The following LMO3 variants were observed in gnomAD, a reference collection of about 807,000 sequenced individuals.
The protein encoded by LMO3 is LIM domain only 3, also known as LIM domain only protein 3.
In LMO3, 2 loss-of-function variants were observed where a neutral mutation model predicts 15.8. That is an observed-to-expected ratio of 0.13 (90% CI 0.05 to 0.40). The LOEUF is 0.40. Among genes scored for constraint, LMO3 ranks in the 10% least tolerant of loss-of-function variants. The pLI, the probability that LMO3 is intolerant of heterozygous loss-of-function variation, is 0.99. For missense variants in LMO3, 86 were observed against 182.2 expected (o/e 0.47, Z 3.04); for synonymous variants, 62 against 63.8 (o/e 0.97, Z 0.13).
In LMO3 at chr12:16,576,288, G is replaced by A. The variant is rs564756988; in HGVS notation, c.207-15750C>T. On this transcript the variant is annotated intron_variant, in intron 2 of 3. Coordinates refer to ENST00000537304, the MANE Select transcript of LMO3 (RefSeq NM_018640.5). This position sits in a 1 kb window ranked among gnomAD's most constrained non-coding sequence, Gnocchi z 4.1. ...GAAGCATGAAAGGTCCATCCTGTCT[G>A]TCTTCTTTTCTGTCTTCTATCCCAT... 7.8e-4 allele frequency among the ~76,000 whole-genome samples: 119 copies of A among 152,216 alleles called. No individual in the cohort carries two copies. The South Asian group carries it at 0.023, about 30-fold the overall frequency.
intron 2 of LMO3, among the ~76,000 whole-genome samples, chr12:16,588,906 T>C (rs939195845): frequency 1.3e-5 from 2 of 151,630 alleles, no homozygotes; most frequent in African/African-American, 4.8e-5. Context: ...GAAGCTGACA[T>C]TGGAGGAGTA....
chr12:16,573,302 G>C (rs1221694494), intron 2 of LMO3, among the ~76,000 whole-genome samples: 2 of 152,074 alleles, frequency 1.3e-5, no homozygotes, highest in African/African-American at 2.4e-5. Context: ...AGATATAGTT[G>C]AAACAAAAAT....
At chr12:16,607,430 ATT>A (rs11303135), upstream of LMO3, 438 of 147,548 alleles carry the variant, frequency 3.0e-3, no homozygotes, top group African/African-American at 7.4e-3. Context: ...GCCTTGACAG[ATT>A]TTTTTTTTTT....
intron 3 of LMO3, among the ~76,000 whole-genome samples, chr12:16,556,173 T>A (rs967026176): frequency 2.0e-5 from 3 of 152,244 alleles, no homozygotes; most frequent in African/African-American, 7.2e-5. Flanking sequence ...ACAAGCTTTT[T>A]ATTTTTCCTT....
At position 16,606,125 on chromosome 12, in the gene LMO3, C is replaced by T. The variant is rs895340004; in HGVS notation, c.-68G>A. 3.7e-5 allele frequency: 9 copies of T among 244,714 alleles called. 1 individual carries two copies. In the Admixed American group the frequency reaches 4.5e-4, roughly 12 times the overall value. The allele number at this position is 244,714 out of a possible 1,614,324, so 15.2% of individuals were successfully genotyped here. The stretch of plus-strand genomic sequence containing the variant: ...AGTAAGCACAGTGGCTGCTTTGTAG[C>T]GCTTCTCCTTGGGAAAGGTCAAAAA... On this transcript the variant is annotated 5_prime_UTR_variant, in exon 1 of 4. Transcript: ENST00000537304.
upstream of LMO3, among the ~76,000 whole-genome samples, chr12:16,608,365 C>T (rs759076742): frequency 7.2e-5 from 11 of 152,106 alleles, no homozygotes; most frequent in Admixed American, 3.9e-4. This position sits in a 1 kb window ranked among gnomAD's most constrained non-coding sequence, Gnocchi z 4.1. Context: ...TGTTACCCCT[C>T]GCTGGCAACT....
intron 2 of LMO3, among the ~76,000 whole-genome samples, chr12:16,569,062 C>T (rs1375479482): frequency 1.3e-5 from 2 of 152,158 alleles, no homozygotes; most frequent in Non-Finnish European, 2.9e-5. Context: ...CAGGCTTACT[C>T]AGTGTTAATT....
chr12:16,586,202 CTA>C lies in LMO3; in HGVS notation c.206+14451_206+14452del, dbSNP rs774724924. Among the ~76,000 whole-genome samples the C allele has an allele frequency of 5.0e-3, 759 of 152,308 alleles. 2 individuals are homozygous for C. The highest frequency in any genetic ancestry group is 7.1e-3 in the Non-Finnish European group (485 of 68,032). On this transcript the variant is annotated intron_variant, in intron 2 of 3. Coordinates refer to ENST00000537304, the MANE Select transcript of LMO3 (RefSeq NM_018640.5). This position sits in a 1 kb window ranked among gnomAD's most constrained non-coding sequence, Gnocchi z 4.3. ...TTTTTCAGGTAATCTGCCATAAATA[CTA>C]TTTCCTTCAGATGACTTCTTAAAAC...
At chr12:16,563,443 T>C (rs575086119) in intron 2 of LMO3, among the ~76,000 whole-genome samples, 5 of 152,290 alleles carry the variant, frequency 3.3e-5, no homozygotes, top group African/African-American at 1.2e-4. Context: ...GGCAAAAGAA[T>C]TTTCATATAT....
rs1378619099 is a variant in LMO3 at position 16,555,164 on chromosome 12, C to CCAAA, written c.333-3838_333-3837insTTTG. On this transcript the variant is annotated intron_variant, in intron 3 of 3. Transcript: ENST00000537304. This position sits in a 1 kb window ranked among gnomAD's most constrained non-coding sequence, Gnocchi z 5.5. ...TTGACTAATACTTTATCAGAATTTG[C>CCAAA]TATCATTATTATTTGGTAATGATAA... is the stretch of plus-strand genomic sequence containing the variant. 6.6e-6 allele frequency among the ~76,000 whole-genome samples: 1 copy of CCAAA among 152,184 alleles called. No individual in the cohort carries two copies. The highest frequency in any genetic ancestry group is 2.4e-5 in the African/African-American group (1 of 41,446).
chr12:16,566,040 A>G (rs1942598047), intron 2 of LMO3, among the ~76,000 whole-genome samples: 1 of 106,806 alleles, frequency 9.4e-6, no homozygotes, highest in South Asian at 3.2e-4. Context: ...ATATATATAT[A>G]AAATGGAGTA....
intron 1 of LMO3, chr12:16,605,447 C>T: frequency 1.4e-6 from 1 of 729,386 alleles, no homozygotes; most frequent in Non-Finnish European, 1.7e-6. Flanking sequence ...CCCCCCCCCC[C>T]CGCCCCCATG....
At chr12:16,558,418 T>C (rs1206387650) in intron 3 of LMO3, among the ~76,000 whole-genome samples, 1 of 152,068 alleles carries the variant, frequency 6.6e-6, no homozygotes, top group South Asian at 2.1e-4. Context: ...TATTAGTTGA[T>C]CAACATGACA....
intron 2 of LMO3, among the ~76,000 whole-genome samples, chr12:16,583,838 T>C (rs1397461417): frequency 6.6e-6 from 1 of 152,036 alleles, no homozygotes; most frequent in African/African-American, 2.4e-5. Flanking sequence ...TGATTGACAG[T>C]TGGGTTCATA....
intron 3 of LMO3, among the ~76,000 whole-genome samples, chr12:16,556,100 T>C (rs1249730209): frequency 6.6e-6 from 1 of 152,182 alleles, no homozygotes; most frequent in Non-Finnish European, 1.5e-5. Flanking sequence ...CAGTGCTTTA[T>C]TCTTAAAAAA....
intron 3 of LMO3, among the ~76,000 whole-genome samples, chr12:16,556,225 G>T (rs1044728277): frequency 2.6e-5 from 4 of 152,016 alleles, no homozygotes; most frequent in Non-Finnish European, 4.4e-5. Flanking sequence ...GTTTTCTAAG[G>T]AGAAGGGGCT....
rs899965026 is a variant in LMO3 at position 16,593,099 on chromosome 12, T to C, written c.206+7556A>G. Among the ~76,000 whole-genome samples the C allele has an allele frequency of 1.3e-5, 2 of 151,838 alleles. No homozygotes were observed. The highest frequency in any genetic ancestry group is 3.0e-5 in the Non-Finnish European group (2 of 67,782). ...AGCACATTTTATGAAGTTCCATGCC[T>C]GCTTACTAGTCCTTGTCATATCTGA... On this transcript the variant is annotated intron_variant, in intron 2 of 3. Transcript: ENST00000537304. This position sits in a 1 kb window ranked among gnomAD's most constrained non-coding sequence, Gnocchi z 4.2.
chr12:16,605,616 G>A, intron 1 of LMO3: 1 of 769,398 alleles, frequency 1.3e-6, no homozygotes. Flanking sequence ...GAGGGGTCCG[G>A]AAACCCACCC....
rs1941902802 is a variant in LMO3 at position 16,549,310 on chromosome 12, C to CTTTCT, written c.*1907_*1911dup. 1 of 152,074 alleles carries CTTTCT rather than the reference C, an allele frequency of 6.6e-6. No homozygotes were observed. Among genetic ancestry groups the CTTTCT allele is most frequent in the Non-Finnish European group, 1.5e-5 (1 of 67,974 alleles). 9.4% of individuals were successfully genotyped at this position (152,074 alleles called of 1,614,324 possible). On this transcript the variant is annotated 3_prime_UTR_variant, in exon 4 of 4. Transcript: ENST00000537304. ...GCCCCAAATAGCTACTTTTGAATTT[C>CTTTCT]TTTCTTTAGTATATCTCAAATCTGG...
Sources: gnomAD v4.1 joint callset for allele counts (sites outside exome capture counted in the v4.1 genomes callset) on GRCh38, gnomAD v4.1.1 for gene constraint, Gnocchi (gnomAD v3.1) non-coding constraint, MANE v1.5 for transcripts, NCBI Gene and HGNC (gene_info 2026-07-23, HGNC 2026-07-21) for gene names.